Variants in B4GALNT3 observed in about 807,000 individuals in gnomAD.
The protein encoded by B4GALNT3 is beta-1,4-N-acetylgalactosaminyltransferase 3.
A neutral mutation model predicts 120.2 loss-of-function variants in B4GALNT3; 86 were observed. The observed-to-expected ratio is 0.72, with a 90% CI of 0.60 to 0.86. The LOEUF (loss-of-function observed/expected upper bound fraction) is 0.86. Ranked by LOEUF, B4GALNT3 falls within the 40% of genes least tolerant of loss-of-function variation. B4GALNT3 has a pLI of 0.00. For missense variants in B4GALNT3, 1,167 were observed against 1,298.9 expected, an observed-to-expected ratio of 0.90 and a Z score of 1.56; for synonymous variants, 518 against 510.4, an observed-to-expected ratio of 1.01 and a Z score of -0.20.
intron 11 of B4GALNT3, 147 bp downstream of exon 11, chr12:551,178 G>T (rs1947078556): frequency 4.2e-6 from 3 of 718,420 alleles, no homozygotes; most frequent in Admixed American, 2.6e-5. Context: ...CCTGGGCTGG[G>T]AAGAACTTGC....
At chr12:462,812 T>A (rs1946034807) in intron 1 of B4GALNT3, among the ~76,000 whole-genome samples, 2 of 152,218 alleles carry the variant, frequency 1.3e-5, no homozygotes, top group African/African-American at 4.8e-5. Flanking sequence ...TCTCCCATCC[T>A]TTTTTGTTGT....
intron 1 of B4GALNT3, among the ~76,000 whole-genome samples, chr12:487,801 T>G (rs180882713): frequency 2.2e-3 from 335 of 150,470 alleles, no homozygotes; most frequent in Middle Eastern, 7.0e-3. Flanking sequence ...CAAAAAAAAA[T>G]TTTAAAATTA....
chr12:546,847 G>C, intron 7 of B4GALNT3, 134 bp downstream of exon 7: 1 of 835,798 alleles, frequency 1.2e-6, no homozygotes, highest in Non-Finnish European at 1.9e-6. Context: ...CCGGCAACCG[G>C]GTCTTTGGCT....
At chr12:545,195 G>A (rs755459863) in intron 5 of B4GALNT3, 174 bp from the exon 6 acceptor site, 24 of 1,447,930 alleles carry the variant, frequency 1.7e-5, no homozygotes, top group Non-Finnish European at 2.2e-5. Flanking sequence ...CTCCATATAA[G>A]TCTTCTCCAT....
chr12:536,706 T>G (rs1351765938), intron 3 of B4GALNT3, among the ~76,000 whole-genome samples: 1 of 152,206 alleles, frequency 6.6e-6, no homozygotes, highest in Non-Finnish European at 1.5e-5. Flanking sequence ...ATTTCTCTCT[T>G]TAGAGAAGGA....
intron 1 of B4GALNT3, among the ~76,000 whole-genome samples, chr12:510,933 A>G (rs920847877): frequency 6.9e-6 from 1 of 144,548 alleles, no homozygotes; most frequent in Non-Finnish European, 1.5e-5. Flanking sequence ...AACCTCACCC[A>G]TTATCAGTCA....
At chr12:489,532 A>C (rs966661577) in intron 1 of B4GALNT3, among the ~76,000 whole-genome samples, 4 of 152,202 alleles carry the variant, frequency 2.6e-5, no homozygotes, top group African/African-American at 9.7e-5. Flanking sequence ...ACAAAACCCA[A>C]CTGTATATTT....
chr12:516,824 C>T (rs1279003679), intron 1 of B4GALNT3, among the ~76,000 whole-genome samples: 1 of 151,940 alleles, frequency 6.6e-6, no homozygotes, highest in East Asian at 1.9e-4. Flanking sequence ...ACTGGAAGAG[C>T]GATGATGTCT....
intron 1 of B4GALNT3, among the ~76,000 whole-genome samples, chr12:476,882 C>A (rs996994535): frequency 6.6e-6 from 1 of 152,176 alleles, no homozygotes; most frequent in South Asian, 2.1e-4. Context: ...TGGATTATAT[C>A]TGCATTTCTT....
chr12:521,769 C>G (rs1347541967), intron 1 of B4GALNT3, among the ~76,000 whole-genome samples: 1 of 152,176 alleles, frequency 6.6e-6, no homozygotes, highest in Non-Finnish European at 1.5e-5. Context: ...GCTCTAAGTT[C>G]CTGTACCGGC....
At chr12:543,641 G>A (rs1435404610) in intron 3 of B4GALNT3, among the ~76,000 whole-genome samples, 8 of 77,480 alleles carry the variant, frequency 1.0e-4, no homozygotes, top group East Asian at 3.7e-4. Context: ...TCATCTTCCC[G>A]GAGCTGAGGA....
At chr12:554,354 C>G (rs976552896) in intron 14 of B4GALNT3, among the ~76,000 whole-genome samples, 3 of 152,198 alleles carry the variant, frequency 2.0e-5, no homozygotes, top group African/African-American at 7.2e-5. Flanking sequence ...TGCATGTGGG[C>G]TGGAAGGGTT....
chr12:552,324 C>T lies in B4GALNT3; in HGVS notation c.1209-143C>T, dbSNP rs1047445077. The T allele has an allele frequency of 1.5e-5, 13 of 881,444 alleles. No homozygotes were observed. In the Admixed American group the frequency reaches 1.6e-4, roughly 11 times the overall value. The allele number at this position is 881,444 out of a possible 1,614,324, so 54.6% of individuals were successfully genotyped here. A position where few individuals can be genotyped will look rare whatever the true frequency, so the allele number is the denominator to read the frequency against. ...ACACACACACACACACACACACACACACACACACACACCCGCTCACCAGCC... is the reference window on the plus strand; with the variant it reads ...ACACACACACACACACACACACACATACACACACACACCCGCTCACCAGCC... On this transcript the variant is annotated intron_variant, in intron 12 of 19. Coordinates refer to ENST00000266383, the MANE Select transcript of B4GALNT3 (RefSeq NM_173593.4).
intron 1 of B4GALNT3, among the ~76,000 whole-genome samples, chr12:477,791 G>C (rs1179813584): frequency 6.6e-6 from 1 of 152,116 alleles, no homozygotes; most frequent in Non-Finnish European, 1.5e-5. Context: ...TCTTCTCTCT[G>C]TGTAGAAATA....
chr12:527,580 C>G (rs183150321), intron 1 of B4GALNT3, among the ~76,000 whole-genome samples: 1 of 152,354 alleles, frequency 6.6e-6, no homozygotes, highest in East Asian at 1.9e-4. Flanking sequence ...CACCCATATC[C>G]ATCTGCTCAT....
At chr12:545,220 C>G in intron 5 of B4GALNT3, 149 bp from the exon 6 acceptor site, 1 of 1,456,920 alleles carries the variant, frequency 6.9e-7, no homozygotes, top group Non-Finnish European at 9.1e-7. Flanking sequence ...ACACTGTCTC[C>G]CAGGATGTAG....
At chr12:505,038 A>C (rs11063315) in intron 1 of B4GALNT3, among the ~76,000 whole-genome samples, 2,785 of 151,764 alleles carry the variant, frequency 0.018, 77 homozygotes, top group African/African-American at 0.063. Flanking sequence ...TTACAGGTGC[A>C]CACCACCACG....
At chr12:552,597 G>T in intron 13 of B4GALNT3, 69 bp downstream of exon 13, 3 of 1,494,192 alleles carry the variant, frequency 2.0e-6, no homozygotes, top group Admixed American at 3.7e-5. Flanking sequence ...TCCAGGGGAT[G>T]TTCAGACCGT....
At chr12:535,451 C>A (rs1469981001) in intron 2 of B4GALNT3, among the ~76,000 whole-genome samples, 182 bp downstream of exon 2, 1 of 152,206 alleles carries the variant, frequency 6.6e-6, no homozygotes, top group African/African-American at 2.4e-5. Context: ...GTCCATCCAG[C>A]CTCCTCAAAG....
Sources: allele counts gnomAD v4.1 joint callset (sites outside exome capture counted in the v4.1 genomes callset), GRCh38; gene constraint gnomAD v4.1.1; transcripts MANE v1.5; gene names NCBI Gene and HGNC (gene_info 2026-07-23, HGNC 2026-07-21).